DAZAP1: variants seen among roughly 807,000 people sequenced by gnomAD.
DAZAP1 encodes DAZ associated protein 1, also known as DAZ-associated protein 1.
Under a neutral mutation model 60.1 loss-of-function variants are expected in DAZAP1, and 6 were observed. The observed-to-expected ratio is 0.10, with a 90% confidence interval of 0.05 to 0.20. DAZAP1 has a LOEUF of 0.20. Ranked by LOEUF, DAZAP1 falls within the 10% of genes least tolerant of loss-of-function variation. The pLI is 1.00. For synonymous variants in DAZAP1, 235 were observed against 215.9 expected (o/e 1.09, Z -0.78); for missense variants, 366 against 560.4 (o/e 0.65, Z 3.50).
chr19:1,411,894 G>A (rs2082841583), intron 1 of DAZAP1, among the ~76,000 whole-genome samples: 1 of 152,252 alleles, frequency 6.6e-6, no homozygotes, highest in Non-Finnish European at 1.5e-5. Flanking sequence ...GTGAACTGAG[G>A]CCTTTTCCCA....
intron 1 of DAZAP1, among the ~76,000 whole-genome samples, chr19:1,409,657 G>T (rs1346673063): frequency 1.3e-5 from 2 of 151,660 alleles, no homozygotes; most frequent in Non-Finnish European, 2.9e-5. Context: ...CGGAGTCCAC[G>T]GTCTGCTCTG....
In DAZAP1 at chr19:1,429,969, ATG is replaced by A; in HGVS notation, c.706_707del (p.Trp236GlyfsTer190). ...TWQQGYGPQG[M>X]WVPAGQAIGG... ...TCCTCTTCTGTTCTCTTATCTAGGAATGTGGGTGCCGGCAGGACAGGCGATTG... is the reference window on the plus strand; with the variant it reads ...TCCTCTTCTGTTCTCTTATCTAGGAATGGGTGCCGGCAGGACAGGCGATTG... On this transcript the variant is annotated frameshift_variant, in exon 9 of 12. Coordinates refer to ENST00000233078, the MANE Select transcript of DAZAP1 (RefSeq NM_018959.4). LOFTEE classifies it high-confidence loss of function. The A allele has an allele frequency of 6.4e-7, 1 of 1,568,714 alleles. No individual in the cohort carries two copies. The highest frequency in any genetic ancestry group is 8.7e-7 in the Non-Finnish European group (1 of 1,155,650).
At chr19:1,415,221 G>C (rs1034850790) in intron 1 of DAZAP1, among the ~76,000 whole-genome samples, 6 of 152,024 alleles carry the variant, frequency 3.9e-5, no homozygotes, top group African/African-American at 1.4e-4. Flanking sequence ...CTGCCAGTGA[G>C]GTGGGGGTGG....
chr19:1,432,495 C>T lies in DAZAP1; in HGVS notation c.872-19C>T. On this transcript the variant is annotated intron_variant, in intron 10 of 11. Coordinates refer to ENST00000233078, the MANE Select transcript of DAZAP1 (RefSeq NM_018959.4). This position sits in a 1 kb window ranked among gnomAD's most constrained non-coding sequence, Gnocchi z 4.9. ...GCTGCACAACGTGTCTTGTGCCTTG[C>T]CCTCTTGTACCTCTGCAGGTTTTGG... 6.2e-7 allele frequency: 1 copy of T among 1,613,526 alleles called. No individual in the cohort carries two copies. The highest frequency in any genetic ancestry group is 8.5e-7 in the Non-Finnish European group (1 of 1,179,872).
At chr19:1,419,921 A>G (rs2083101328) in intron 4 of DAZAP1, among the ~76,000 whole-genome samples, 1 of 100,288 alleles carries the variant, frequency 1.0e-5, no homozygotes, top group Non-Finnish European at 2.0e-5. Flanking sequence ...CCGATCGTCA[A>G]CGGCAGCGAG....
intron 10 of DAZAP1, among the ~76,000 whole-genome samples, chr19:1,430,615 C>G (rs927057409): frequency 4.6e-5 from 7 of 152,210 alleles, no homozygotes; most frequent in Non-Finnish European, 8.8e-5. Flanking sequence ...TGTCTGGGCC[C>G]AACCAGTTCT....
Position 1,416,423 on chromosome 19 carries a change from G to C in DAZAP1, c.30-1077G>C, listed in dbSNP as rs772221043. ...AGTCACAGCTGAGATTCAGCTCAGG[G>C]ACTTCATTTCTGAATGCGTGTCCTC... On this transcript the variant is annotated intron_variant, in intron 1 of 11. Coordinates refer to ENST00000233078, the MANE Select transcript of DAZAP1 (RefSeq NM_018959.4). The surrounding 1 kb of genome is among the most constrained non-coding windows in gnomAD (Gnocchi z 4.3). 8 of 152,278 alleles carry C rather than the reference G, an allele frequency of 5.3e-5. No homozygotes were observed. The highest frequency in any genetic ancestry group is 8.8e-5 in the Non-Finnish European group (6 of 68,060). 9.4% of individuals were successfully genotyped at this position (152,278 alleles called of 1,614,324 possible). A position where few individuals can be genotyped will look rare whatever the true frequency, so the allele number is the denominator to read the frequency against.
chr19:1,422,478 C>A lies in DAZAP1; in HGVS notation c.463+82C>A. On this transcript the variant is annotated intron_variant, in intron 6 of 11. Coordinates refer to ENST00000233078, the MANE Select transcript of DAZAP1 (RefSeq NM_018959.4). The surrounding 1 kb of genome is among the most constrained non-coding windows in gnomAD (Gnocchi z 4.5). ...AACTATCTCACCCGCCAGGCACACA[C>A]AGGTGGCGGCTGTAGCAAACAGCCT... The A allele has an allele frequency of 7.3e-7, 1 of 1,361,960 alleles. No homozygotes were observed. The highest frequency in any genetic ancestry group is 1.0e-6 in the Non-Finnish European group (1 of 961,492). 84.4% of individuals were successfully genotyped at this position (1,361,960 alleles called of 1,614,324 possible).
chr19:1,433,176 T>C lies in DAZAP1; in HGVS notation c.1048+486T>C, dbSNP rs1300001268. The C allele has an allele frequency of 5.6e-6, 1 of 178,674 alleles. No individual in the cohort carries two copies. The highest frequency in any genetic ancestry group is 1.2e-5 in the Non-Finnish European group (1 of 85,538). The allele number at this position is 178,674 out of a possible 1,614,324, so 11.1% of individuals were successfully genotyped here. A position where few individuals can be genotyped will look rare whatever the true frequency, so the allele number is the denominator to read the frequency against. On this transcript the variant is annotated intron_variant, in intron 11 of 11. Transcript: ENST00000233078. This position sits in a 1 kb window ranked among gnomAD's most constrained non-coding sequence, Gnocchi z 6.1. ...CCTGGACTGGATGGCTGTCGTGGCT[T>C]GGGTCTGCCTGGACGTGATCTGCAG...
rs1275967377 is a variant in DAZAP1, at chr19:1,434,795, GCCT to G, written c.1111_1113del (p.Pro371del). ...AGGGCTTCTCAGACCCCAGCCAGCAGCCTCCTTCCTACGGGGGTCCCTCCGTGC... is the reference window on the plus strand; with the variant it reads ...AGGGCTTCTCAGACCCCAGCCAGCAGCCTTCCTACGGGGGTCCCTCCGTGC... On this transcript the variant is annotated inframe_deletion, in exon 12 of 12. Coordinates refer to ENST00000233078, the MANE Select transcript of DAZAP1 (RefSeq NM_018959.4). This position sits in a 1 kb window ranked among gnomAD's most constrained non-coding sequence, Gnocchi z 8.0. 6.2e-7 allele frequency: 1 copy of G among 1,612,734 alleles called. No homozygotes were observed. The highest frequency in any genetic ancestry group is 8.5e-7 in the Non-Finnish European group (1 of 1,179,510).
In DAZAP1 at chr19:1,424,975, G is replaced by A. The variant is rs369251003; in HGVS notation, c.464-903G>A. Among the ~76,000 whole-genome samples, 281 of 152,282 alleles carry A rather than the reference G, an allele frequency of 1.8e-3. 1 individual carries two copies. Among genetic ancestry groups the A allele is most frequent in the African/African-American group, 6.5e-3 (270 of 41,560 alleles). ...ACCCGCCCCGTTAGCCGGGGGCCGC[G>A]CCCACCCCAGACCCACTAAACTTCG... is the stretch of plus-strand genomic sequence containing the variant. On this transcript the variant is annotated intron_variant, in intron 6 of 11. Transcript: ENST00000233078.
chr19:1,408,717 C>T (rs938962769), intron 1 of DAZAP1, among the ~76,000 whole-genome samples: 6 of 152,236 alleles, frequency 3.9e-5, no homozygotes, highest in Non-Finnish European at 5.9e-5. Context: ...CTTTGCTGCG[C>T]CGAGGCGTCC....
chr19:1,430,461 C>A, intron 10 of DAZAP1, 99 bp downstream of exon 10: 1 of 1,165,608 alleles, frequency 8.6e-7, no homozygotes, highest in East Asian at 3.0e-5. Flanking sequence ...CGTCTGGCCT[C>A]AGCCACAGGT....
intron 1 of DAZAP1, among the ~76,000 whole-genome samples, chr19:1,410,734 G>A (rs1281945500): frequency 2.0e-5 from 3 of 152,224 alleles, no homozygotes; most frequent in Non-Finnish European, 2.9e-5. Flanking sequence ...CACCTCGAGC[G>A]CCCAGGCCAT....
At chr19:1,431,481 G>C (rs1232162487) in intron 10 of DAZAP1, among the ~76,000 whole-genome samples, 1 of 151,878 alleles carries the variant, frequency 6.6e-6, no homozygotes, top group Non-Finnish European at 1.5e-5. Flanking sequence ...CCAGGATTGA[G>C]TGCAGTGCCC....
chr19:1,415,382 TGTGTGTG>T (rs2082948794), intron 1 of DAZAP1, among the ~76,000 whole-genome samples: 2 of 147,908 alleles, frequency 1.4e-5, no homozygotes, highest in African/African-American at 2.5e-5. Flanking sequence ...TGTGTGTGTG[TGTGTGTG>T]TTTTGTTTTT....
Position 1,426,207 on chromosome 19 carries a change from C to A in DAZAP1, c.546+247C>A, listed in dbSNP as rs1222167112. 2.3e-5 allele frequency: 11 copies of A among 474,938 alleles called. No individual in the cohort carries two copies. Among genetic ancestry groups the A allele is most frequent in the Middle Eastern group, 4.5e-4 (1 of 2,234 alleles). The allele number at this position is 474,938 out of a possible 1,614,324, so 29.4% of individuals were successfully genotyped here. Reference sequence around the variant, plus strand: ...GCCCCTCCCTCTGGGTGACCTGGGACTGGGCGGGTAGGGGGCTGGGGCTGG... The same window carrying A: ...GCCCCTCCCTCTGGGTGACCTGGGAATGGGCGGGTAGGGGGCTGGGGCTGG... On this transcript the variant is annotated intron_variant, in intron 7 of 11. Transcript: ENST00000233078. The surrounding 1 kb of genome is among the most constrained non-coding windows in gnomAD (Gnocchi z 5.4).
rs907496891 is a variant in DAZAP1 at position 1,434,971 on chromosome 19, T to TG, written c.*60dup. On this transcript the variant is annotated 3_prime_UTR_variant, in exon 12 of 12. Coordinates refer to ENST00000233078, the MANE Select transcript of DAZAP1 (RefSeq NM_018959.4). The surrounding 1 kb of genome is among the most constrained non-coding windows in gnomAD (Gnocchi z 8.0). Reference sequence around the variant, plus strand: ...CCAGGATTCCAAACTTGTGAACTCGTGACAATCACAAACTTGGCGGCAAAG... The same window carrying TG: ...CCAGGATTCCAAACTTGTGAACTCGTGGACAATCACAAACTTGGCGGCAAAG... 3.1e-6 allele frequency: 3 copies of TG among 960,384 alleles called. No individual in the cohort carries two copies. The African/African-American group carries it at 6.4e-5, about 21-fold the overall frequency. The allele number at this position is 960,384 out of a possible 1,614,324, so 59.5% of individuals were successfully genotyped here. A position where few individuals can be genotyped will look rare whatever the true frequency, so the allele number is the denominator to read the frequency against.
rs556629265 is a variant in DAZAP1 at position 1,418,478 on chromosome 19, C to T, written c.237+108C>T. 2.2e-4 allele frequency: 317 copies of T among 1,469,136 alleles called. 6 individuals are homozygous for T. The South Asian group carries it at 3.1e-3, about 15-fold the overall frequency. 91.0% of individuals were successfully genotyped at this position (1,469,136 alleles called of 1,614,324 possible). A position where few individuals can be genotyped will look rare whatever the true frequency, so the allele number is the denominator to read the frequency against. ...ATGTTTGCGTTAGAGTATGTTTGAA[C>T]GTGGGGTCGATTGGGAAGGATTAAG... On this transcript the variant is annotated intron_variant, in intron 3 of 11. Transcript: ENST00000233078. The surrounding 1 kb of genome is among the most constrained non-coding windows in gnomAD (Gnocchi z 5.7).
Sources: gnomAD v4.1 joint callset for allele counts (sites outside exome capture counted in the v4.1 genomes callset) on GRCh38, gnomAD v4.1.1 for gene constraint, Gnocchi (gnomAD v3.1) non-coding constraint, MANE v1.5 for transcripts, NCBI Gene and HGNC (gene_info 2026-07-23, HGNC 2026-07-21) for gene names.